CDH13: variants seen among roughly 807,000 people sequenced by gnomAD.
CDH13 encodes cadherin 13, also known as cadherin-13.
CDH13 carries 24 observed loss-of-function variants against 63.8 expected under a neutral mutation model. The observed-to-expected ratio is 0.38, with a 90% CI of 0.27 to 0.53. CDH13 has a LOEUF of 0.53. CDH13 is among the 20% of genes least tolerant of loss of function. CDH13 has a pLI of 0.85. For synonymous variants in CDH13, 503 were observed against 355.3 expected (o/e 1.42, Z -4.67); for missense variants, 1,049 against 903.1 (o/e 1.16, Z -2.07).
Position 83,099,410 on chromosome 16 carries a change from G to A in CDH13, c.367-25975G>A, listed in dbSNP as rs890987114. Among the ~76,000 whole-genome samples, 12 of 151,808 alleles carry A rather than the reference G, an allele frequency of 7.9e-5. No individual in the cohort carries two copies. The East Asian group carries it at 1.8e-3, about 23-fold the overall frequency. ...GCAATCTCAGCTCATTGCAGCCTCCGCCTCCTGGGTTCAAGTGATTCTCCT... is the reference window on the plus strand; with the variant it reads ...GCAATCTCAGCTCATTGCAGCCTCCACCTCCTGGGTTCAAGTGATTCTCCT... On this transcript the variant is annotated intron_variant, in intron 3 of 13. Coordinates refer to ENST00000567109, the MANE Select transcript of CDH13 (RefSeq NM_001257.5).
At chr16:83,053,459 A>G (rs993029011) in intron 3 of CDH13, among the ~76,000 whole-genome samples, 13 of 152,192 alleles carry the variant, frequency 8.5e-5, no homozygotes, top group Admixed American at 5.2e-4. Context: ...AAGAAGATTT[A>G]TCAAGGTAAA....
rs140724195 is a variant in CDH13, at chr16:82,900,836, C to G, written c.157+42363C>G. Among the ~76,000 whole-genome samples, 13 of 152,314 alleles carry G rather than the reference C, an allele frequency of 8.5e-5. No individual in the cohort carries two copies. The East Asian group carries it at 2.3e-3, about 27-fold the overall frequency. ...CTGGCTGGGTAAATGCCAAGAAATTCTATGGCAGAAACTTCCCCAGGCAGG... is the reference window on the plus strand; with the variant it reads ...CTGGCTGGGTAAATGCCAAGAAATTGTATGGCAGAAACTTCCCCAGGCAGG... On this transcript the variant is annotated intron_variant, in intron 2 of 13. Transcript: ENST00000567109.
chr16:82,865,078 C>G (rs1259673259), intron 2 of CDH13, among the ~76,000 whole-genome samples: 1 of 152,244 alleles, frequency 6.6e-6, no homozygotes, highest in Admixed American at 6.5e-5. Flanking sequence ...CACCCTGATG[C>G]AAGAGGTGGG....
intron 3 of CDH13, among the ~76,000 whole-genome samples, chr16:83,116,629 G>C (rs959259508): frequency 6.6e-6 from 1 of 152,210 alleles, no homozygotes; most frequent in African/African-American, 2.4e-5. Flanking sequence ...TGGTAAAGTG[G>C]GAATGACTGC....
intron 6 of CDH13, among the ~76,000 whole-genome samples, chr16:83,371,133 C>G (rs2091359011): frequency 6.6e-6 from 1 of 152,216 alleles, no homozygotes; most frequent in African/African-American, 2.4e-5. Flanking sequence ...TTGGTGATTT[C>G]TCAGTGAACT....
In CDH13 at chr16:83,798,258, T is replaced by G. The variant is rs533122542; in HGVS notation, c.*3228T>G. ...TCTTAAGATGTGACAACTAAAAAAT[T>G]TTTAACAAGTCTGTGTTTGATCCTG... On this transcript the variant is annotated 3_prime_UTR_variant, in exon 14 of 14. Coordinates refer to ENST00000567109, the MANE Select transcript of CDH13 (RefSeq NM_001257.5). The G allele has an allele frequency of 3.7e-4, 56 of 152,192 alleles. No homozygotes were observed. Among genetic ancestry groups the G allele is most frequent in the Non-Finnish European group, 6.9e-4 (47 of 68,038 alleles). 9.4% of individuals were successfully genotyped at this position (152,192 alleles called of 1,614,324 possible).
At chr16:83,168,690 T>A (rs545629424) in intron 4 of CDH13, among the ~76,000 whole-genome samples, 89 of 152,272 alleles carry the variant, frequency 5.8e-4, no homozygotes, top group African/African-American at 2.0e-3. Flanking sequence ...TTTTTTTCTA[T>A]CCATATGAGT....
chr16:83,403,599 G>A (rs2092000489), intron 6 of CDH13, among the ~76,000 whole-genome samples: 1 of 152,052 alleles, frequency 6.6e-6, no homozygotes, highest in African/African-American at 2.4e-5. Context: ...GTCCACTCTG[G>A]GCGACAGAGC....
Position 83,795,066 on chromosome 16 carries a change from C to G in CDH13, c.*36C>G, listed in dbSNP as rs370504370. On this transcript the variant is annotated 3_prime_UTR_variant, in exon 14 of 14. Coordinates refer to ENST00000567109, the MANE Select transcript of CDH13 (RefSeq NM_001257.5). ...CGTCTGAAGCTTGACTCCCAAGTTTCCATAGCAACAGGAAAAAAAAAAATC... is the reference window on the plus strand; with the variant it reads ...CGTCTGAAGCTTGACTCCCAAGTTTGCATAGCAACAGGAAAAAAAAAAATC... 14 of 1,561,524 alleles carry G rather than the reference C, an allele frequency of 9.0e-6. No homozygotes were observed. The African/African-American group carries it at 1.6e-4, about 18-fold the overall frequency.
rs149760116 is a variant in CDH13, at chr16:83,044,709, G to C, written c.366+12491G>C. On this transcript the variant is annotated intron_variant, in intron 3 of 13. Transcript: ENST00000567109. ...GCAGATGGTGTGTTTTTCGTTTTCTGAGTGAGGACAGTGAGACTCAGAGGT... is the reference window on the plus strand; with the variant it reads ...GCAGATGGTGTGTTTTTCGTTTTCTCAGTGAGGACAGTGAGACTCAGAGGT... 4.6e-5 allele frequency among the ~76,000 whole-genome samples: 7 copies of C among 152,316 alleles called. No individual in the cohort carries two copies. The East Asian group carries it at 1.4e-3, about 29-fold the overall frequency.
chr16:83,233,701 C>T (rs550035523), intron 5 of CDH13, among the ~76,000 whole-genome samples: 2 of 152,350 alleles, frequency 1.3e-5, no homozygotes, highest in African/African-American at 4.8e-5. Context: ...CCATCCCCAG[C>T]CCTCTTTCCT....
At chr16:83,062,944 T>C (rs1001733580) in intron 3 of CDH13, among the ~76,000 whole-genome samples, 22 of 150,700 alleles carry the variant, frequency 1.5e-4, no homozygotes, top group African/African-American at 5.4e-4. Context: ...TAATCAGATG[T>C]CTTATGTGGT....
At chr16:83,142,906 C>G (rs2036596194) in intron 4 of CDH13, among the ~76,000 whole-genome samples, 3 of 152,116 alleles carry the variant, frequency 2.0e-5, no homozygotes, top group South Asian at 4.1e-4. Context: ...AGTTCAAAGA[C>G]CAGCCTGACC....
chr16:82,684,532 G>T (rs1303989863), intron 1 of CDH13, among the ~76,000 whole-genome samples: 1 of 152,096 alleles, frequency 6.6e-6, no homozygotes, highest in Non-Finnish European at 1.5e-5. Context: ...GCATACCACA[G>T]ACTCACCATC....
intron 6 of CDH13, among the ~76,000 whole-genome samples, chr16:83,462,057 G>A (rs953652816): frequency 2.0e-5 from 3 of 152,224 alleles, no homozygotes; most frequent in Non-Finnish European, 4.4e-5. Flanking sequence ...TAACCCAAGA[G>A]AAGTCACCAG....
chr16:83,784,681 C>A (rs1405186620), intron 13 of CDH13, among the ~76,000 whole-genome samples: 3 of 151,694 alleles, frequency 2.0e-5, no homozygotes, highest in African/African-American at 7.3e-5. Context: ...ATTTCACTGG[C>A]CCTTCAGACT....
At chr16:83,457,618 A>G (rs4782794) in intron 6 of CDH13, among the ~76,000 whole-genome samples, 148,015 of 152,174 alleles carry the variant, frequency 0.97, 72,077 homozygotes, top group East Asian at 1. Flanking sequence ...AATAAGCAGG[A>G]GGAGCACCTA....
At chr16:82,907,940 T>G (rs2041703737) in intron 2 of CDH13, among the ~76,000 whole-genome samples, 2 of 152,194 alleles carry the variant, frequency 1.3e-5, no homozygotes, top group Admixed American at 6.5e-5. Context: ...TCAAAAAATT[T>G]TTTTCCACTT....
At chr16:82,756,537 G>C (rs1029467926) in intron 1 of CDH13, among the ~76,000 whole-genome samples, 20 of 152,122 alleles carry the variant, frequency 1.3e-4, no homozygotes, top group African/African-American at 4.1e-4. Flanking sequence ...TTCAGCCTCA[G>C]TTTCCTGTTG....
Sources: allele counts gnomAD v4.1 joint callset (sites outside exome capture counted in the v4.1 genomes callset), GRCh38; gene constraint gnomAD v4.1.1; transcripts MANE v1.5; gene names NCBI Gene and HGNC (gene_info 2026-07-23, HGNC 2026-07-21).